Variants in KPNA4 observed in about 807,000 individuals in gnomAD.
KPNA4 encodes importin subunit alpha-3.
Under a neutral mutation model 71.3 loss-of-function variants are expected in KPNA4, and 13 were observed. The ratio of observed to expected loss-of-function variants is 0.18; its 90% CI spans 0.12 to 0.29. KPNA4 has a LOEUF of 0.29. Ranked by LOEUF, KPNA4 falls within the 10% of genes least tolerant of loss-of-function variation. The probability of loss-of-function intolerance (pLI) is 1.00; values close to 1 mark genes in which losing one functional copy is unlikely to be tolerated. For missense variants in KPNA4, 334 were observed against 603.2 expected (o/e 0.55, Z 4.67); for synonymous variants, 189 against 195.2 (o/e 0.97, Z 0.26).
chr3:160,547,173 T>C (rs1218126183), intron 1 of KPNA4, among the ~76,000 whole-genome samples: 1 of 152,242 alleles, frequency 6.6e-6, no homozygotes, highest in Non-Finnish European at 1.5e-5. Flanking sequence ...ATCCAATGTA[T>C]TAATGTTATC....
intron 5 of KPNA4, among the ~76,000 whole-genome samples, chr3:160,533,520 G>C (rs1017759519): frequency 1.3e-5 from 2 of 150,922 alleles, no homozygotes; most frequent in East Asian, 1.9e-4. Flanking sequence ...TGAGATCAAG[G>C]GTCAAAATTT....
At chr3:160,529,901 A>G (rs890141214) in intron 7 of KPNA4, among the ~76,000 whole-genome samples, 4 of 151,578 alleles carry the variant, frequency 2.6e-5, no homozygotes, top group African/African-American at 9.7e-5. Context: ...AGGCCGAGGC[A>G]GGCGGATCAT....
intron 2 of KPNA4, 36 bp from the exon 3 acceptor site, chr3:160,535,933 G>C: frequency 2.0e-6 from 2 of 987,412 alleles, no homozygotes; most frequent in Non-Finnish European, 2.5e-6. Context: ...AAACCAAACA[G>C]AGAATTTGAG....
At chr3:160,549,360 G>T (rs1721992289) in intron 1 of KPNA4, among the ~76,000 whole-genome samples, 1 of 152,140 alleles carries the variant, frequency 6.6e-6, no homozygotes, top group Non-Finnish European at 1.5e-5. Flanking sequence ...TCAGTGCCAA[G>T]ACCAAAGTTA....
intron 1 of KPNA4, among the ~76,000 whole-genome samples, 156 bp downstream of exon 1, chr3:160,565,058 G>C (rs1278553874): frequency 6.6e-6 from 1 of 151,518 alleles, no homozygotes; most frequent in Admixed American, 6.6e-5. Context: ...AAACTTCCCG[G>C]CGCGCTAGCA....
Position 160,496,044 on chromosome 3 carries a change from T to C in KPNA4, c.*6060A>G, listed in dbSNP as rs1460211538. ...GGCTCACGCCTGCAATCCCAGCACT[T>C]TGGGAGGCCAAGGAGGGTGGATCAT... is the stretch of plus-strand genomic sequence containing the variant. On this transcript the variant is annotated 3_prime_UTR_variant, in exon 17 of 17. Coordinates refer to ENST00000334256, the MANE Select transcript of KPNA4 (RefSeq NM_002268.5). 1 of 151,994 alleles carries C rather than the reference T, an allele frequency of 6.6e-6. No individual in the cohort carries two copies. The highest frequency in any genetic ancestry group is 2.4e-5 in the African/African-American group (1 of 41,328). 9.4% of individuals were successfully genotyped at this position (151,994 alleles called of 1,614,324 possible).
chr3:160,542,161 G>T (rs1192950730), intron 1 of KPNA4, among the ~76,000 whole-genome samples: 1 of 152,142 alleles, frequency 6.6e-6, no homozygotes, highest in Non-Finnish European at 1.5e-5. Context: ...GAACAGGTAG[G>T]CAAGGAGACA....
chr3:160,561,186 A>G (rs1722237990), intron 1 of KPNA4, among the ~76,000 whole-genome samples: 1 of 152,094 alleles, frequency 6.6e-6, no homozygotes, highest in Non-Finnish European at 1.5e-5. Flanking sequence ...TGTTTTTAAA[A>G]GATCTAGTTA....
At position 160,509,701 on chromosome 3, in the gene KPNA4, C is replaced by T; in HGVS notation, c.1209+99G>A. The T allele has an allele frequency of 6.6e-6, 6 of 907,078 alleles. No homozygotes were observed. In the South Asian group the frequency reaches 6.9e-5, roughly 10 times the overall value. The allele number at this position is 907,078 out of a possible 1,614,324, so 56.2% of individuals were successfully genotyped here. On this transcript the variant is annotated intron_variant, in intron 14 of 16. Coordinates refer to ENST00000334256, the MANE Select transcript of KPNA4 (RefSeq NM_002268.5). ...CCAGCCTTGGCCTCCCAGGGTGTTG[C>T]TATTATTTTAAATTATAACTTACTC...
At chr3:160,564,548 T>C in intron 1 of KPNA4, 1 of 152,136 alleles carries the variant, frequency 6.6e-6, no homozygotes, top group Non-Finnish European at 1.5e-5. Flanking sequence ...ATCAGCTATA[T>C]CCAGAGTAAA....
chr3:160,546,973 C>G (rs1039060427), intron 1 of KPNA4, among the ~76,000 whole-genome samples: 12 of 152,202 alleles, frequency 7.9e-5, no homozygotes, highest in Non-Finnish European at 1.6e-4. Flanking sequence ...CAAAGCGATT[C>G]CCATTTCTGG....
At position 160,509,919 on chromosome 3, in the gene KPNA4, A is replaced by C. The variant is rs2305402; in HGVS notation, c.1138-48T>G. 7.2e-3 allele frequency: 8,507 copies of C among 1,188,270 alleles called. 142 individuals carry two copies. Among genetic ancestry groups the C allele is most frequent in the African/African-American group, 0.046 (3,046 of 65,634 alleles). The allele number at this position is 1,188,270 out of a possible 1,614,324, so 73.6% of individuals were successfully genotyped here. Reference sequence around the variant, plus strand: ...CTATAAAAATTGCCACATAGAGTAAACTGGAAAAAATGTTTGCTGTGATGA... The same window carrying C: ...CTATAAAAATTGCCACATAGAGTAACCTGGAAAAAATGTTTGCTGTGATGA... On this transcript the variant is annotated intron_variant, in intron 13 of 16. Coordinates refer to ENST00000334256, the MANE Select transcript of KPNA4 (RefSeq NM_002268.5).
At chr3:160,507,499 CAAA>C (rs57528939) in intron 15 of KPNA4, among the ~76,000 whole-genome samples, 60 of 49,444 alleles carry the variant, frequency 1.2e-3, no homozygotes, top group African/African-American at 2.9e-3. Context: ...GACACTGTCT[CAAA>C]AAAAAAAAAA....
At chr3:160,550,648 A>G (rs1310696581) in intron 1 of KPNA4, among the ~76,000 whole-genome samples, 1 of 152,174 alleles carries the variant, frequency 6.6e-6, no homozygotes, top group Non-Finnish European at 1.5e-5. Flanking sequence ...CTTTTCATAT[A>G]TGGCCCTTAT....
intron 15 of KPNA4, among the ~76,000 whole-genome samples, 179 bp from the exon 16 acceptor site, chr3:160,505,231 T>A (rs572367333): frequency 5.3e-5 from 8 of 152,322 alleles, no homozygotes; most frequent in Admixed American, 4.6e-4. Context: ...ATACAGCATA[T>A]TTATCTTAAA....
At chr3:160,510,217 T>C (rs1427085689) in intron 13 of KPNA4, among the ~76,000 whole-genome samples, 2 of 152,156 alleles carry the variant, frequency 1.3e-5, no homozygotes, top group Non-Finnish European at 2.9e-5. Context: ...CATATTCTTT[T>C]ACACACAAAG....
In KPNA4 at chr3:160,531,566, G is replaced by C. The variant is rs1403921969; in HGVS notation, c.288-9C>G. ...CACTGGACAAAAGCTTCCTGTAAGAGATAAAAACACTCCTGTGAAACTTAA... is the reference window on the plus strand; with the variant it reads ...CACTGGACAAAAGCTTCCTGTAAGACATAAAAACACTCCTGTGAAACTTAA... On this transcript the variant is annotated splice_polypyrimidine_tract_variant and intron_variant, in intron 5 of 16. Coordinates refer to ENST00000334256, the MANE Select transcript of KPNA4 (RefSeq NM_002268.5). 6.9e-7 allele frequency: 1 copy of C among 1,457,880 alleles called. No individual in the cohort carries two copies. The highest frequency in any genetic ancestry group is 9.4e-7 in the Non-Finnish European group (1 of 1,066,328). 90.3% of individuals were successfully genotyped at this position (1,457,880 alleles called of 1,614,324 possible).
intron 13 of KPNA4, among the ~76,000 whole-genome samples, chr3:160,513,183 A>T (rs1721134694): frequency 1.3e-5 from 2 of 149,624 alleles, no homozygotes; most frequent in African/African-American, 4.9e-5. Flanking sequence ...AAACAGATTT[A>T]TCTTCTCTTT....
rs534398952 is a variant in KPNA4, at chr3:160,497,325, T to A, written c.*4779A>T. On this transcript the variant is annotated 3_prime_UTR_variant, in exon 17 of 17. Transcript: ENST00000334256. ...AGCTACTCAGGAGGCTGAGGCAGAA[T>A]TGCTTGAACCCTTGAGGCAGAGGTT... 1 of 152,188 alleles carries A rather than the reference T, an allele frequency of 6.6e-6. No individual in the cohort carries two copies. The highest frequency in any genetic ancestry group is 2.4e-5 in the African/African-American group (1 of 41,410). 9.4% of individuals were successfully genotyped at this position (152,188 alleles called of 1,614,324 possible).
Sources: gnomAD v4.1 joint callset for allele counts (sites outside exome capture counted in the v4.1 genomes callset) on GRCh38, gnomAD v4.1.1 for gene constraint, MANE v1.5 for transcripts, NCBI Gene and HGNC (gene_info 2026-07-23, HGNC 2026-07-21) for gene names.